LAD1: variants seen among roughly 807,000 people sequenced by gnomAD.
LAD1 encodes the protein ladinin-1.
Under a neutral mutation model 54.2 loss-of-function variants are expected in LAD1, and 53 were observed. The observed-to-expected ratio is 0.98, with a 90% CI of 0.78 to 1.23. LAD1 has a LOEUF of 1.23. Among genes scored for constraint, LAD1 ranks in the 50% most tolerant of loss-of-function variants. LAD1 has a pLI of 0.00. For synonymous variants in LAD1, 231 were observed against 257.7 expected, an observed-to-expected ratio of 0.90 and a Z score of 0.99; for missense variants, 637 against 653.3, an observed-to-expected ratio of 0.98 and a Z score of 0.27.
intron 2 of LAD1, among the ~76,000 whole-genome samples, chr1:201,388,703 T>C (rs946907887): frequency 4.4e-5 from 6 of 137,072 alleles, no homozygotes; most frequent in Non-Finnish European, 7.8e-5. Flanking sequence ...AAAAAAGAAG[T>C]AAATTATAGA....
At chr1:201,385,058 A>T (rs1416726208) in intron 4 of LAD1, among the ~76,000 whole-genome samples, 1 of 152,192 alleles carries the variant, frequency 6.6e-6, no homozygotes, top group Non-Finnish European at 1.5e-5. Flanking sequence ...TATGGGTCAG[A>T]AGACTTTCTT....
chr1:201,392,325 C>A (rs930554737), intron 1 of LAD1, among the ~76,000 whole-genome samples: 3 of 152,238 alleles, frequency 2.0e-5, no homozygotes, highest in African/African-American at 7.2e-5. Flanking sequence ...ATGAGACCAA[C>A]AGGGTCTTCC....
chr1:201,384,822 T>C lies in LAD1; in HGVS notation c.1145A>G (p.Lys382Arg). 1 of 1,614,006 alleles carries C rather than the reference T, an allele frequency of 6.2e-7. No homozygotes were observed. The highest frequency in any genetic ancestry group is 8.5e-7 in the Non-Finnish European group (1 of 1,180,012). ...AGTTAGGGTTGTTTCCGAGTTTTCT[T>C]TCTTGGGTTTCATCTGAAATGAGAA... ...RTISFRMKPK[K>R]ENSETTLTRS... Residue 382 changes from lysine (K) to arginine (R), a missense_variant, in exon 5 of 10, where the codon AAA becomes AGA. Coordinates refer to ENST00000391967, the MANE Select transcript of LAD1 (RefSeq NM_005558.4).
At chr1:201,385,656 C>T (rs1662059400) in intron 4 of LAD1, 45 bp downstream of exon 4, 1 of 1,400,422 alleles carries the variant, frequency 7.1e-7, no homozygotes, top group African/African-American at 1.4e-5. Flanking sequence ...GCTTCCTCCA[C>T]TTGCCCTCCA....
At chr1:201,381,975 C>T (rs908533419) in intron 9 of LAD1, 82 bp from the exon 10 acceptor site, 1 of 1,463,768 alleles carries the variant, frequency 6.8e-7, no homozygotes, top group African/African-American at 1.4e-5. Context: ...AGGAAGGCAT[C>T]CCTTTGCCCA....
intron 5 of LAD1, 119 bp from the exon 6 acceptor site, chr1:201,383,508 C>T (rs1028553363): frequency 3.2e-6 from 3 of 926,692 alleles, no homozygotes; most frequent in Non-Finnish European, 5.4e-6. Flanking sequence ...GAGAATGTGG[C>T]CCTCCATCAC....
Position 201,386,415 on chromosome 1 carries a change from T to A in LAD1, c.946A>T (p.Lys316Ter), listed in dbSNP as rs776223047. The stretch of plus-strand genomic sequence containing the variant: ...TGCTTTGCCAAAGAGGGCAGGTTCT[T>A]CCCAGGGAGGGCCCTTCCTCTCTGC... ...KEQRGRALPG[K>*]NLPSLAKQGA... The change falls in exon 3 of 10, where the codon AAG (lysine) becomes TAG (stop). Residue 316 changes from lysine (K) to a stop codon, truncating the protein, a stop_gained. Coordinates refer to ENST00000391967, the MANE Select transcript of LAD1 (RefSeq NM_005558.4). LOFTEE classifies it high-confidence loss of function. The A allele has an allele frequency of 6.5e-7, 1 of 1,527,328 alleles. No homozygotes were observed. The highest frequency in any genetic ancestry group is 2.3e-5 in the Admixed American group (1 of 44,364). The allele number at this position is 1,527,328 out of a possible 1,614,324, so 94.6% of individuals were successfully genotyped here. A position where few individuals can be genotyped will look rare whatever the true frequency, so the allele number is the denominator to read the frequency against.
chr1:201,393,763 T>C (rs1052780981), intron 1 of LAD1, among the ~76,000 whole-genome samples: 1 of 149,754 alleles, frequency 6.7e-6, no homozygotes, highest in Non-Finnish European at 1.5e-5. Flanking sequence ...AAAAAAAAAG[T>C]TGGGACAGTA....
At position 201,389,227 on chromosome 1, in the gene LAD1, A is replaced by T. The variant is rs147349802; in HGVS notation, c.115T>A (p.Ser39Thr). The change falls in exon 2 of 10, where the codon TCC (serine) becomes ACC (threonine). Residue 39 changes from serine (S) to threonine (T), a missense_variant. Transcript: ENST00000391967. Reference sequence around the variant, plus strand: ...CTGGGAGCCTCATCGTCCGTGGTGGAGCTCAGGTTGCGGTGCCGCCGCCTG... The same window carrying T: ...CTGGGAGCCTCATCGTCCGTGGTGGTGCTCAGGTTGCGGTGCCGCCGCCTG... ...ERRRRHRNLS[S>T]TTDDEAPRLS... 1.9e-4 allele frequency: 308 copies of T among 1,614,146 alleles called. 2 individuals carry two copies. The African/African-American group carries it at 3.8e-3, about 20-fold the overall frequency.
rs775559337 is a variant in LAD1 at position 201,386,755 on chromosome 1, G to A, written c.606C>T (p.Ile202=). The change falls in exon 3 of 10, where the codon ATC becomes ATT. Residue 202 remains isoleucine (I), a synonymous_variant. Transcript: ENST00000391967. Reference sequence around the variant, plus strand: ...TCTCTGAGGCCAGCACCTTCTCAGAGATGGAGGTTTTATCGGAGACCAGGC... The same window carrying A: ...TCTCTGAGGCCAGCACCTTCTCAGAAATGGAGGTTTTATCGGAGACCAGGC... ...EKSLVSDKTS[I]SEKVLASEKT... The A allele has an allele frequency of 1.2e-6, 2 of 1,614,230 alleles. No homozygotes were observed. The highest frequency in any genetic ancestry group is 3.3e-5 in the Admixed American group (2 of 60,030).
intron 1 of LAD1, among the ~76,000 whole-genome samples, chr1:201,393,853 T>C (rs950221798): frequency 6.9e-6 from 1 of 145,270 alleles, no homozygotes; most frequent in Non-Finnish European, 1.5e-5. Context: ...AAGTTTTGCT[T>C]TTTTTTTTTT....
In LAD1 at chr1:201,386,452, G is replaced by A; in HGVS notation, c.909C>T (p.Ala303=). The change falls in exon 3 of 10, where the codon GCC becomes GCT. Residue 303 remains alanine (A), a synonymous_variant. Coordinates refer to ENST00000391967, the MANE Select transcript of LAD1 (RefSeq NM_005558.4). ...QEPPASGGSP[A]TTKEQRGRAL... is the part of the protein sequence containing the mutation. ...CCCTTCCTCTCTGCTCCTTGGTGGT[G>A]GCTGGGCTTCCCCCAGAGGCTGGCG... 1 of 1,545,198 alleles carries A rather than the reference G, an allele frequency of 6.5e-7. No homozygotes were observed. Among genetic ancestry groups the A allele is most frequent in the Non-Finnish European group, 8.7e-7 (1 of 1,152,336 alleles).
intron 1 of LAD1, among the ~76,000 whole-genome samples, chr1:201,392,361 G>T (rs925036318): frequency 6.6e-6 from 1 of 152,254 alleles, no homozygotes; most frequent in Non-Finnish European, 1.5e-5. Context: ...CATCCAGCAT[G>T]GGGGAGTCAG....
chr1:201,392,873 C>G (rs985748272), intron 1 of LAD1, among the ~76,000 whole-genome samples: 10 of 151,452 alleles, frequency 6.6e-5, no homozygotes. Flanking sequence ...TAGGCGAGAG[C>G]TAGAACTATG....
chr1:201,392,118 C>G (rs1036254747), intron 1 of LAD1, among the ~76,000 whole-genome samples: 1 of 152,260 alleles, frequency 6.6e-6, no homozygotes, highest in African/African-American at 2.4e-5. Flanking sequence ...GTTTCTAGTC[C>G]TCCTGCCCTT....
chr1:201,385,978 C>T (rs1447782343), intron 3 of LAD1, among the ~76,000 whole-genome samples, 173 bp from the exon 4 acceptor site: 1 of 152,128 alleles, frequency 6.6e-6, no homozygotes, highest in Non-Finnish European at 1.5e-5. Context: ...AGACAAAGTC[C>T]CTTGGGGCCA....
At position 201,382,314 on chromosome 1, in the gene LAD1, C is replaced by A. The variant is rs201831898; in HGVS notation, c.1486G>T (p.Ala496Ser). ...GDQDPQEAQK[A>S]SSATERTQWG... The stretch of plus-strand genomic sequence containing the variant: ...TGAGTCCTCTCGGTTGCAGATGATG[C>A]TTTCTGTGCCTCCTGATTGAGGGTA... Residue 496 changes from alanine to serine, a missense_variant, in exon 9 of 10, where the codon GCA becomes TCA. Coordinates refer to ENST00000391967, the MANE Select transcript of LAD1 (RefSeq NM_005558.4). 6.2e-7 allele frequency: 1 copy of A among 1,613,486 alleles called. No individual in the cohort carries two copies. Among genetic ancestry groups the A allele is most frequent in the African/African-American group, 1.3e-5 (1 of 74,916 alleles).
intron 1 of LAD1, among the ~76,000 whole-genome samples, chr1:201,395,793 TAAC>T (rs1300977715): frequency 1.3e-5 from 2 of 152,046 alleles, no homozygotes; most frequent in East Asian, 3.9e-4. Flanking sequence ...TCAAAAGAGT[TAAC>T]AACCTTCCCA....
intron 1 of LAD1, among the ~76,000 whole-genome samples, chr1:201,390,483 G>A (rs1209157744): frequency 1.3e-5 from 2 of 152,156 alleles, no homozygotes; most frequent in Admixed American, 1.3e-4. Context: ...GTTGCAGTGA[G>A]CCGAGATAGT....
Sources: allele counts gnomAD v4.1 joint callset (sites outside exome capture counted in the v4.1 genomes callset), GRCh38; gene constraint gnomAD v4.1.1; transcripts MANE v1.5; gene names NCBI Gene and HGNC (gene_info 2026-07-23, HGNC 2026-07-21).